CFDP1: variants seen among roughly 807,000 people sequenced by gnomAD.
CFDP1 encodes chromatin remodeling protein CFDP1, also known as heterochromatin-stabilizing protein CFDP1.
CFDP1 carries 31 observed loss-of-function variants against 40.1 expected under a neutral mutation model. The ratio of observed to expected loss-of-function variants is 0.77; its 90% CI spans 0.58 to 1.04. The LOEUF (loss-of-function observed/expected upper bound fraction) is 1.04, where lower values mean the gene tolerates loss of function less well. Ranked by LOEUF, CFDP1 falls within the 50% of genes least tolerant of loss-of-function variation. The pLI is 0.00. For missense variants in CFDP1, 423 were observed against 343.4 expected, an observed-to-expected ratio of 1.23 and a Z score of -1.83; for synonymous variants, 167 against 120.0, an observed-to-expected ratio of 1.39 and a Z score of -2.56.
chr16:75,374,749 T>G (rs1473015301), intron 5 of CFDP1, among the ~76,000 whole-genome samples: 2 of 152,210 alleles, frequency 1.3e-5, no homozygotes, highest in Non-Finnish European at 2.9e-5. Flanking sequence ...CTGAAATTGT[T>G]TTTAATACAT....
At chr16:75,388,685 C>T (rs918347162) in intron 5 of CFDP1, among the ~76,000 whole-genome samples, 14 of 152,104 alleles carry the variant, frequency 9.2e-5, no homozygotes, top group African/African-American at 3.4e-4. Flanking sequence ...GAGATCACAC[C>T]ATTAACTGCT....
intron 5 of CFDP1, among the ~76,000 whole-genome samples, chr16:75,321,170 G>T (rs2078360629): frequency 6.6e-6 from 1 of 152,080 alleles, no homozygotes. Flanking sequence ...TCACTATGTT[G>T]TTCAGCCTGA....
intron 5 of CFDP1, among the ~76,000 whole-genome samples, chr16:75,387,321 T>C (rs2078906968): frequency 6.6e-6 from 1 of 152,102 alleles, no homozygotes; most frequent in Non-Finnish European, 1.5e-5. Flanking sequence ...TTTGTTTTTT[T>C]AGTGGAGACG....
intron 1 of CFDP1, among the ~76,000 whole-genome samples, chr16:75,421,538 A>T (rs576591683): frequency 9.1e-4 from 139 of 152,326 alleles, no homozygotes; most frequent in African/African-American, 3.0e-3. Flanking sequence ...CCAAAGACTC[A>T]GAGCTTCCAA....
intron 5 of CFDP1, among the ~76,000 whole-genome samples, chr16:75,348,161 C>G (rs2078583268): frequency 6.6e-6 from 1 of 152,084 alleles, no homozygotes; most frequent in Non-Finnish European, 1.5e-5. Context: ...ACTATGTTGC[C>G]CAGGCTGGAG....
intron 6 of CFDP1, among the ~76,000 whole-genome samples, chr16:75,300,770 G>A (rs2078216325): frequency 6.6e-6 from 1 of 152,076 alleles, no homozygotes; most frequent in African/African-American, 2.4e-5. Flanking sequence ...GAGCTCAGTG[G>A]AATGGTCAGG....
chr16:75,321,429 T>C (rs1297456032), intron 5 of CFDP1, among the ~76,000 whole-genome samples: 1 of 152,220 alleles, frequency 6.6e-6, no homozygotes, highest in Non-Finnish European at 1.5e-5. Context: ...CCAGTAGCAG[T>C]TACTCTTCAT....
intron 5 of CFDP1, chr16:75,324,848 T>C (rs1468988543): frequency 4.6e-5 from 7 of 151,826 alleles, no homozygotes; most frequent in South Asian, 4.2e-4. Flanking sequence ...GGCAGCAAAG[T>C]GTATTTTAAA....
At position 75,412,579 on chromosome 16, in the gene CFDP1, C is replaced by T; in HGVS notation, c.358G>A (p.Asp120Asn). The T allele has an allele frequency of 6.2e-7, 1 of 1,614,168 alleles. No homozygotes were observed. Among genetic ancestry groups the T allele is most frequent in the African/African-American group, 1.3e-5 (1 of 75,058 alleles). Residue 120 changes from aspartate to asparagine, a missense_variant, in exon 3 of 7, where the codon GAT (aspartate) becomes AAT (asparagine). Coordinates refer to ENST00000283882, the MANE Select transcript of CFDP1 (RefSeq NM_006324.3). Reference protein sequence around the residue: ...EDELWASFLNDVGPKSKVPPS... With the variant: ...EDELWASFLNNVGPKSKVPPS... ...GGCACTTTTGATTTTGGTCCCACAT[C>T]ATTGAGGAAGCTGGCCCAGAGTTCG...
At chr16:75,330,586 T>G (rs577575453) in intron 5 of CFDP1, among the ~76,000 whole-genome samples, 2 of 152,230 alleles carry the variant, frequency 1.3e-5, no homozygotes, top group Admixed American at 1.3e-4. Context: ...TGAAACTCCA[T>G]CTCGAAACAA....
chr16:75,333,391 G>A (rs977302511), intron 5 of CFDP1, among the ~76,000 whole-genome samples: 5 of 152,136 alleles, frequency 3.3e-5, no homozygotes, highest in African/African-American at 1.2e-4. Flanking sequence ...CCAAAGTGCT[G>A]GGATTACAGG....
intron 5 of CFDP1, among the ~76,000 whole-genome samples, chr16:75,366,936 G>A (rs943453290): frequency 6.6e-6 from 1 of 152,034 alleles, no homozygotes; most frequent in African/African-American, 2.4e-5. Context: ...GGCCAAGGTG[G>A]GTGGATCACG....
rs147539774 is a variant in CFDP1 at position 75,327,253 on chromosome 16, C to T, written c.651-22071G>A. On this transcript the variant is annotated intron_variant, in intron 5 of 6. Coordinates refer to ENST00000283882, the MANE Select transcript of CFDP1 (RefSeq NM_006324.3). Reference sequence around the variant, plus strand: ...CTGCACTCCAGCCTGGACGACAGTGCAAGACTCTGTCTCAAAAAACAAAAC... The same window carrying T: ...CTGCACTCCAGCCTGGACGACAGTGTAAGACTCTGTCTCAAAAAACAAAAC... Among the ~76,000 whole-genome samples, 504 of 152,172 alleles carry T rather than the reference C, an allele frequency of 3.3e-3. 2 individuals carry two copies. The highest frequency in any genetic ancestry group is 0.012 in the African/African-American group (485 of 41,540).
intron 5 of CFDP1, among the ~76,000 whole-genome samples, chr16:75,351,857 A>C (rs954012595): frequency 2.0e-5 from 3 of 151,186 alleles, no homozygotes; most frequent in Non-Finnish European, 4.4e-5. Context: ...AAAATACAAA[A>C]ATTAGCCAGG....
intron 5 of CFDP1, among the ~76,000 whole-genome samples, chr16:75,374,148 G>A (rs939525782): frequency 6.6e-6 from 1 of 152,032 alleles, no homozygotes; most frequent in African/African-American, 2.4e-5. Context: ...AGCTACTTGG[G>A]AGGCTGAGAC....
At chr16:75,294,865 G>C (rs984660794) in intron 6 of CFDP1, among the ~76,000 whole-genome samples, 3 of 152,124 alleles carry the variant, frequency 2.0e-5, no homozygotes, top group South Asian at 2.1e-4. Context: ...CAGGCAGGAC[G>C]GGAAAGCAGC....
chr16:75,385,100 A>G (rs932453195), intron 5 of CFDP1, among the ~76,000 whole-genome samples: 1 of 151,446 alleles, frequency 6.6e-6, no homozygotes, highest in Non-Finnish European at 1.5e-5. Flanking sequence ...AAGGAAAATA[A>G]TTTTTAAAAG....
chr16:75,378,849 C>T (rs929896104), intron 5 of CFDP1, among the ~76,000 whole-genome samples: 1 of 152,084 alleles, frequency 6.6e-6, no homozygotes, highest in Admixed American at 6.6e-5. Context: ...CATCCTGGCC[C>T]ATAAAATTAA....
At chr16:75,430,308 T>A (rs1597413955) in intron 1 of CFDP1, among the ~76,000 whole-genome samples, 1 of 151,942 alleles carries the variant, frequency 6.6e-6, no homozygotes, top group East Asian at 1.9e-4. Flanking sequence ...TAGCTGGGAT[T>A]ACAGGCACAC....
Sources: gnomAD v4.1 joint callset for allele counts (sites outside exome capture counted in the v4.1 genomes callset) on GRCh38, gnomAD v4.1.1 for gene constraint, MANE v1.5 for transcripts, NCBI Gene and HGNC (gene_info 2026-07-23, HGNC 2026-07-21) for gene names.